The following ZNF438 variants were observed in gnomAD, a reference collection of about 807,000 sequenced individuals.
The protein encoded by ZNF438 is zinc finger protein 438.
A neutral mutation model predicts 38.0 loss-of-function variants in ZNF438; 25 were observed. The observed-to-expected ratio is 0.66, with a 90% CI of 0.48 to 0.92. The LOEUF is 0.92. ZNF438 is among the 40% of genes least tolerant of loss of function. The probability of loss-of-function intolerance (pLI) is 0.00; values close to 1 mark genes in which losing one functional copy is unlikely to be tolerated. For synonymous variants in ZNF438, 372 were observed against 364.1 expected (o/e 1.02, Z -0.25); for missense variants, 1,007 against 999.6 (o/e 1.01, Z -0.10).
intron 4 of ZNF438, among the ~76,000 whole-genome samples, chr10:30,863,194 G>T (rs1417206036): frequency 6.6e-6 from 1 of 152,180 alleles, no homozygotes; most frequent in Non-Finnish European, 1.5e-5. Flanking sequence ...TAACATTTCT[G>T]CTGGTAAGTC....
chr10:31,013,972 AC>A (rs1051472515), intron 1 of ZNF438, among the ~76,000 whole-genome samples: 1 of 152,140 alleles, frequency 6.6e-6, no homozygotes, highest in African/African-American at 2.4e-5. Context: ...TGGACTGCAA[AC>A]ACAAAACTGC....
intron 1 of ZNF438, among the ~76,000 whole-genome samples, chr10:31,031,120 G>A (rs1016891621): frequency 6.6e-6 from 1 of 152,242 alleles, no homozygotes; most frequent in Non-Finnish European, 1.5e-5. Context: ...ATGGAGGGAA[G>A]GTTGTCGGGG....
intron 1 of ZNF438, among the ~76,000 whole-genome samples, chr10:31,002,886 G>A (rs1360975471): frequency 1.3e-5 from 2 of 152,182 alleles, no homozygotes; most frequent in East Asian, 3.8e-4. Flanking sequence ...GGATGTATCA[G>A]CAATAAACAT....
chr10:31,027,034 T>C (rs544484019), intron 1 of ZNF438, among the ~76,000 whole-genome samples: 22 of 144,424 alleles, frequency 1.5e-4, no homozygotes, highest in Admixed American at 4.5e-4. Flanking sequence ...CAGGTGGGAA[T>C]TGAACAATGA....
intron 5 of ZNF438, among the ~76,000 whole-genome samples, chr10:30,846,727 C>T (rs986414431): frequency 3.4e-4 from 51 of 152,140 alleles, no homozygotes; most frequent in African/African-American, 1.2e-3. Context: ...TCCTGCCCTC[C>T]CAGGCATCAC....
chr10:31,008,292 G>C (rs2055348481), intron 1 of ZNF438, among the ~76,000 whole-genome samples: 1 of 152,036 alleles, frequency 6.6e-6, no homozygotes, highest in African/African-American at 2.4e-5. Context: ...GCTTCATTGA[G>C]GTATAATTCA....
intron 1 of ZNF438, among the ~76,000 whole-genome samples, chr10:30,992,416 C>CTT (rs60965540): frequency 0.021 from 2,906 of 141,678 alleles, 86 homozygotes; most frequent in African/African-American, 0.063. Flanking sequence ...TCTGAATCTT[C>CTT]TTTTTTTTTT....
chr10:30,998,230 C>T (rs1430475263), intron 1 of ZNF438, among the ~76,000 whole-genome samples: 1 of 151,972 alleles, frequency 6.6e-6, no homozygotes, highest in Non-Finnish European at 1.5e-5. Context: ...TTAACAGCTG[C>T]TGTTTCTTGC....
intron 1 of ZNF438, among the ~76,000 whole-genome samples, chr10:31,010,892 G>GAAAAAAAAAAAAAAAAAAAAAAA (rs563189482): frequency 8.6e-5 from 8 of 92,586 alleles, no homozygotes; most frequent in Admixed American, 1.2e-4. Context: ...GACCCTGTTT[G>GAAAAAAAAAAAAAAAAAAAAAAA]AAAAAAAAAA....
rs2044738448 is a variant in ZNF438, at chr10:30,924,942, G to T, written c.-114-15927C>A. ...TGATAAATATACTACGGCTATGTAG[G>T]ATGTTAATTATTTCAAAATAAAGTG... is the stretch of plus-strand genomic sequence containing the variant. On this transcript the variant is annotated intron_variant, in intron 2 of 5. Coordinates refer to ENST00000413025, the Ensembl canonical transcript of ZNF438. Among the ~76,000 whole-genome samples, 2 of 152,102 alleles carry T rather than the reference G, an allele frequency of 1.3e-5. 1 individual carries two copies. The highest frequency in any genetic ancestry group is 2.9e-5 in the Non-Finnish European group (2 of 68,018).
intron 5 of ZNF438, among the ~76,000 whole-genome samples, chr10:30,848,067 T>G (rs139339868): frequency 1.3e-5 from 2 of 152,114 alleles, no homozygotes; most frequent in African/African-American, 4.8e-5. Context: ...CAGGAAGCAG[T>G]GCTTGCAAAA....
At chr10:30,918,811 T>C (rs747924184) in intron 2 of ZNF438, among the ~76,000 whole-genome samples, 1 of 152,220 alleles carries the variant, frequency 6.6e-6, no homozygotes, top group East Asian at 1.9e-4. Flanking sequence ...GATTATCTGA[T>C]GGGGAAGAAA....
At chr10:30,954,808 C>G (rs1308158725) in intron 1 of ZNF438, among the ~76,000 whole-genome samples, 34 of 152,026 alleles carry the variant, frequency 2.2e-4, no homozygotes, top group Non-Finnish European at 1.5e-5. Context: ...AGAGATAGTG[C>G]AAAATGAAAA....
chr10:31,005,221 CAA>C (rs1227516391), intron 1 of ZNF438, among the ~76,000 whole-genome samples: 3 of 152,058 alleles, frequency 2.0e-5, no homozygotes, highest in South Asian at 2.1e-4. Flanking sequence ...TTGAAACAAC[CAA>C]AGTGTCTGTC....
chr10:31,002,540 T>C (rs1193836523), intron 1 of ZNF438, among the ~76,000 whole-genome samples: 1 of 152,206 alleles, frequency 6.6e-6, no homozygotes, highest in African/African-American at 2.4e-5. Flanking sequence ...TCTACTACTT[T>C]TCAAAAATAC....
At chr10:31,013,696 G>A (rs1194472305) in intron 1 of ZNF438, among the ~76,000 whole-genome samples, 5 of 152,092 alleles carry the variant, frequency 3.3e-5, no homozygotes, top group Non-Finnish European at 7.3e-5. Flanking sequence ...TTATGGATCT[G>A]ATGCCATCAT....
At chr10:30,911,147 AG>A (rs958945963) in intron 2 of ZNF438, among the ~76,000 whole-genome samples, 2 of 152,150 alleles carry the variant, frequency 1.3e-5, no homozygotes, top group Non-Finnish European at 2.9e-5. Context: ...CTATTTAGTA[AG>A]GTTTACAAAA....
chr10:30,849,299 A>G (rs765289608), exon 5 of ZNF438: 2 of 1,614,092 alleles, frequency 1.2e-6, no homozygotes, highest in Non-Finnish European at 1.7e-6. Context: ...TTTGTGGTTA[A>G]GATCAAGTTT....
intron 1 of ZNF438, among the ~76,000 whole-genome samples, chr10:30,972,944 G>C (rs1183034722): frequency 6.6e-6 from 1 of 152,040 alleles, no homozygotes; most frequent in Non-Finnish European, 1.5e-5. Flanking sequence ...GCTAGTAGAG[G>C]GCAATTCAAT....
Sources: gnomAD v4.1 joint callset for allele counts (sites outside exome capture counted in the v4.1 genomes callset) on GRCh38, gnomAD v4.1.1 for gene constraint, MANE v1.5 for transcripts, NCBI Gene and HGNC (gene_info 2026-07-23, HGNC 2026-07-21) for gene names.